SHQ1: variants seen among roughly 807,000 people sequenced by gnomAD.
SHQ1 encodes the protein protein SHQ1 homolog.
In SHQ1, 49 loss-of-function variants were observed where a neutral mutation model predicts 53.8. The ratio of observed to expected loss-of-function variants is 0.91; its 90% CI spans 0.72 to 1.16. The LOEUF is 1.16. SHQ1 is among the 50% of genes most tolerant of loss of function. The pLI is 0.00. For synonymous variants in SHQ1, 243 were observed against 251.0 expected, an observed-to-expected ratio of 0.97 and a Z score of 0.30; for missense variants, 738 against 683.1, an observed-to-expected ratio of 1.08 and a Z score of -0.90.
intron 10 of SHQ1, chr3:72,773,326 GA>G (rs1428872481): frequency 1.7e-5 from 10 of 589,152 alleles, no homozygotes; most frequent in South Asian, 7.3e-5. Flanking sequence ...AGACAAGAAG[GA>G]AAAAAATGAG....
chr3:72,804,963 T>C (rs1706895240), intron 9 of SHQ1, among the ~76,000 whole-genome samples: 1 of 152,260 alleles, frequency 6.6e-6, no homozygotes. Context: ...TTCTGTCATG[T>C]GAACGTCACA....
intron 10 of SHQ1, among the ~76,000 whole-genome samples, chr3:72,782,420 T>C (rs573868811): frequency 6.6e-6 from 1 of 152,312 alleles, no homozygotes; most frequent in East Asian, 1.9e-4. Context: ...TCCAGAAATA[T>C]ACCTCAAGAA....
At chr3:72,784,544 T>G (rs187513347) in intron 10 of SHQ1, among the ~76,000 whole-genome samples, 1 of 152,160 alleles carries the variant, frequency 6.6e-6, no homozygotes, top group Non-Finnish European at 1.5e-5. Flanking sequence ...TGGATTTAAT[T>G]AAAAATAAAC....
chr3:72,795,824 G>A (rs1250593722), intron 9 of SHQ1, among the ~76,000 whole-genome samples: 1 of 152,136 alleles, frequency 6.6e-6, no homozygotes, highest in Non-Finnish European at 1.5e-5. Flanking sequence ...CAGGATTGGG[G>A]CTAGGCGTGG....
At chr3:72,737,748 G>A in the SHQ1 span, among the ~76,000 whole-genome samples, 2 of 152,198 alleles carry the variant, frequency 1.3e-5, no homozygotes, top group African/African-American at 4.8e-5. Flanking sequence ...TGTTCAGTAT[G>A]GAATTATCCT....
intron 10 of SHQ1, among the ~76,000 whole-genome samples, chr3:72,792,101 T>C (rs1706457146): frequency 6.6e-6 from 1 of 152,232 alleles, no homozygotes; most frequent in African/African-American, 2.4e-5. Context: ...ATCATGCTAT[T>C]AGGCTCTGCA....
chr3:72,761,039 T>C (rs759043004), intron 10 of SHQ1, among the ~76,000 whole-genome samples: 1 of 152,182 alleles, frequency 6.6e-6, no homozygotes, highest in Non-Finnish European at 1.5e-5. Context: ...TTCAAAAAAG[T>C]TTATGAGCTC....
chr3:72,754,278 G>T (rs185430467), intron 10 of SHQ1, among the ~76,000 whole-genome samples: 4 of 152,018 alleles, frequency 2.6e-5, no homozygotes, highest in African/African-American at 7.2e-5. Context: ...GGGCGGTCAC[G>T]ACTGGAAACC....
rs569218571 is a variant in SHQ1, at chr3:72,752,125, C to T, written c.1182-1289G>A. On this transcript the variant is annotated intron_variant, in intron 10 of 10. Transcript: ENST00000325599. ...AATAAGTTATGACATATCCATACAACGGAATAGCCTACAGCTGTACAATGA... is the reference window on the plus strand; with the variant it reads ...AATAAGTTATGACATATCCATACAATGGAATAGCCTACAGCTGTACAATGA... Among the ~76,000 whole-genome samples, 286 of 152,236 alleles carry T rather than the reference C, an allele frequency of 1.9e-3. 2 individuals are homozygous for T. Among genetic ancestry groups the T allele is most frequent in the Non-Finnish European group, 2.8e-3 (188 of 68,018 alleles).
At chr3:72,767,657 T>C (rs1451027886) in intron 10 of SHQ1, among the ~76,000 whole-genome samples, 1 of 152,210 alleles carries the variant, frequency 6.6e-6, no homozygotes, top group African/African-American at 2.4e-5. Context: ...AAAACTCTTC[T>C]ATAATTAGAA....
At chr3:72,827,848 G>C (rs916924729) in intron 5 of SHQ1, among the ~76,000 whole-genome samples, 2 of 148,280 alleles carry the variant, frequency 1.3e-5, no homozygotes, top group Non-Finnish European at 3.0e-5. Flanking sequence ...TCCGCCTCCT[G>C]GGTTCACGCC....
chr3:72,822,903 A>C (rs919275847), intron 6 of SHQ1, among the ~76,000 whole-genome samples: 2 of 152,188 alleles, frequency 1.3e-5, no homozygotes, highest in African/African-American at 4.8e-5. Context: ...TAATCCCAGC[A>C]CTTTGGGAGG....
chr3:72,818,347 C>T (rs1259709041), intron 6 of SHQ1, among the ~76,000 whole-genome samples: 2 of 152,134 alleles, frequency 1.3e-5, no homozygotes, highest in East Asian at 3.9e-4. Flanking sequence ...GCTAATAATG[C>T]TGCAATAAAT....
At chr3:72,753,064 T>G in intron 10 of SHQ1, 2 of 985,422 alleles carry the variant, frequency 2.0e-6, no homozygotes, top group Non-Finnish European at 2.4e-6. Flanking sequence ...TAGTTGTTTT[T>G]TGTTTCTAAA....
In SHQ1 at chr3:72,841,168, G is replaced by A. The variant is rs149462354; in HGVS notation, c.363C>T (p.Asp121=). 472 of 1,612,944 alleles carry A rather than the reference G, an allele frequency of 2.9e-4. 5 individuals carry two copies. The South Asian group carries it at 3.7e-3, about 13-fold the overall frequency. ...GASEIPEEVV[D]DEEFDWEIEQ... is the part of the protein sequence containing the mutation. ...CAATTTCCCAATCAAACTCTTCATC[G>A]TCAACTACTTCCTCAGGAATCTCAG... The change falls in exon 4 of 11, where the codon GAC becomes GAT. Residue 121 remains aspartate (D), a synonymous_variant. Transcript: ENST00000325599.
chr3:72,770,846 G>C (rs1209610520), intron 10 of SHQ1, among the ~76,000 whole-genome samples: 1 of 152,198 alleles, frequency 6.6e-6, no homozygotes, highest in Non-Finnish European at 1.5e-5. Context: ...AGGCAGATAA[G>C]AGACGAAGTA....
chr3:72,841,540 G>C (rs1189819161), intron 3 of SHQ1, among the ~76,000 whole-genome samples: 2 of 152,142 alleles, frequency 1.3e-5, no homozygotes, highest in African/African-American at 4.8e-5. Context: ...GCAAAACAGA[G>C]GATAGTGGTT....
intron 6 of SHQ1, among the ~76,000 whole-genome samples, chr3:72,821,472 C>T (rs1382842206): frequency 3.9e-5 from 6 of 152,172 alleles, no homozygotes; most frequent in African/African-American, 1.2e-4. Flanking sequence ...AAAAGTCTCC[C>T]TGTTGTAACT....
At chr3:72,759,492 A>G (rs897659983) in intron 10 of SHQ1, among the ~76,000 whole-genome samples, 1 of 152,140 alleles carries the variant, frequency 6.6e-6, no homozygotes, top group African/African-American at 2.4e-5. Context: ...GGAGTTCGAG[A>G]CCAGCCTGGC....
Sources: allele counts gnomAD v4.1 joint callset (sites outside exome capture counted in the v4.1 genomes callset), GRCh38; gene constraint gnomAD v4.1.1; transcripts MANE v1.5; gene names NCBI Gene and HGNC (gene_info 2026-07-23, HGNC 2026-07-21).